The following RAB3C variants were observed in gnomAD, a reference collection of about 807,000 sequenced individuals.
The protein encoded by RAB3C is ras-related protein Rab-3C.
Under a neutral mutation model 26.4 loss-of-function variants are expected in RAB3C, and 17 were observed. The ratio of observed to expected loss-of-function variants is 0.64; its 90% confidence interval spans 0.44 to 0.97. The LOEUF (loss-of-function observed/expected upper bound fraction) is 0.97, where lower values mean the gene tolerates loss of function less well. Ranked by LOEUF, RAB3C falls within the 50% of genes least tolerant of loss-of-function variation. RAB3C has a pLI of 0.00. For synonymous variants in RAB3C, 91 were observed against 95.9 expected (o/e 0.95, Z 0.30); for missense variants, 242 against 281.9 (o/e 0.86, Z 1.01).
At chr5:58,684,409 T>A (rs1748404866) in intron 2 of RAB3C, among the ~76,000 whole-genome samples, 1 of 152,174 alleles carries the variant, frequency 6.6e-6, no homozygotes, top group African/African-American at 2.4e-5. Flanking sequence ...TCACTTCTTT[T>A]GAGGCAGCCT....
intron 2 of RAB3C, among the ~76,000 whole-genome samples, chr5:58,622,822 A>G (rs544254574): frequency 2.2e-4 from 33 of 152,334 alleles, no homozygotes; most frequent in African/African-American, 7.9e-4. Context: ...TGATTTGCCC[A>G]AGGTTATAGT....
chr5:58,723,097 G>T (rs1003603819), intron 2 of RAB3C, among the ~76,000 whole-genome samples: 12 of 151,428 alleles, frequency 7.9e-5, no homozygotes, highest in Admixed American at 4.0e-4. Context: ...TGGTCTCTCT[G>T]GTCTAATGCA....
At chr5:58,758,410 C>G (rs1741721910) in intron 3 of RAB3C, among the ~76,000 whole-genome samples, 1 of 152,088 alleles carries the variant, frequency 6.6e-6, no homozygotes, top group African/African-American at 2.4e-5. Flanking sequence ...GTGGGCAAAA[C>G]AGATGTAACC....
intron 2 of RAB3C, among the ~76,000 whole-genome samples, chr5:58,664,306 A>G (rs1747961502): frequency 6.6e-6 from 1 of 152,224 alleles, no homozygotes; most frequent in Admixed American, 6.5e-5. Flanking sequence ...GAAATGCACT[A>G]TTGATAACAC....
At chr5:58,599,651 A>C (rs2591918) in intron 1 of RAB3C, among the ~76,000 whole-genome samples, 18,807 of 152,050 alleles carry the variant, frequency 0.12, 1,516 homozygotes, top group South Asian at 0.23. Flanking sequence ...ACTAGTAGGA[A>C]CAGTTTTCAC....
chr5:58,743,195 C>A (rs142006136), intron 3 of RAB3C, among the ~76,000 whole-genome samples: 1 of 152,038 alleles, frequency 6.6e-6, no homozygotes, highest in Non-Finnish European at 1.5e-5. Flanking sequence ...TACAAGGTGG[C>A]CATGAGGAAA....
At chr5:58,726,209 T>C (rs1032814541) in intron 3 of RAB3C, 89 bp downstream of exon 3, 1 of 640,056 alleles carries the variant, frequency 1.6e-6, no homozygotes, top group South Asian at 2.4e-5. Flanking sequence ...CATACCGCAA[T>C]GTAATATATG....
rs1183234579 is a variant in RAB3C, at chr5:58,853,800, G to A, written c.*2449G>A. 6.6e-6 allele frequency: 1 copy of A among 152,090 alleles called. No homozygotes were observed. Among genetic ancestry groups the A allele is most frequent in the African/African-American group, 2.4e-5 (1 of 41,402 alleles). 9.4% of individuals were successfully genotyped at this position (152,090 alleles called of 1,614,324 possible). A position where few individuals can be genotyped will look rare whatever the true frequency, so the allele number is the denominator to read the frequency against. ...CAGTTCTGAAACTCCCACCCTGTTA[G>A]GATTTCCATTCCAAATAATTCAATG... On this transcript the variant is annotated 3_prime_UTR_variant, in exon 5 of 5. Coordinates refer to ENST00000282878, the MANE Select transcript of RAB3C (RefSeq NM_138453.4).
chr5:58,582,918 C>G (rs985988548), upstream of RAB3C: 1 of 607,092 alleles, frequency 1.6e-6, no homozygotes, highest in African/African-American at 1.9e-5. Context: ...GCCCGACTGG[C>G]GGATCGAGCC....
chr5:58,797,368 A>ATTATATATATATATAT (rs1464292932), intron 3 of RAB3C, among the ~76,000 whole-genome samples: 1 of 22,810 alleles, frequency 4.4e-5, no homozygotes, highest in African/African-American at 1.5e-4. Flanking sequence ...GTATATATAT[A>ATTATATATATATATAT]ATATATATAT....
intron 1 of RAB3C, among the ~76,000 whole-genome samples, chr5:58,585,477 G>C (rs1745992018): frequency 6.6e-6 from 1 of 151,678 alleles, no homozygotes; most frequent in African/African-American, 2.4e-5. Flanking sequence ...TGTAGAAGAT[G>C]ACTCACAAGC....
At chr5:58,793,143 G>A (rs1458315798) in intron 3 of RAB3C, among the ~76,000 whole-genome samples, 1 of 152,144 alleles carries the variant, frequency 6.6e-6, no homozygotes, top group Non-Finnish European at 1.5e-5. Flanking sequence ...GGGACACACA[G>A]CCTCAAACCT....
intron 1 of RAB3C, among the ~76,000 whole-genome samples, chr5:58,601,501 A>G (rs928245527): frequency 6.6e-6 from 1 of 151,970 alleles, no homozygotes; most frequent in Admixed American, 6.6e-5. Context: ...GTAATTTTTT[A>G]ATTACCATTT....
At chr5:58,625,721 G>C (rs1747037807) in intron 2 of RAB3C, among the ~76,000 whole-genome samples, 1 of 152,050 alleles carries the variant, frequency 6.6e-6, no homozygotes, top group African/African-American at 2.4e-5. Context: ...GCCGGGTGTT[G>C]TGGTGCACGC....
At chr5:58,666,155 G>A (rs1282982286) in intron 2 of RAB3C, among the ~76,000 whole-genome samples, 1 of 152,164 alleles carries the variant, frequency 6.6e-6, no homozygotes, top group East Asian at 1.9e-4. Flanking sequence ...ATAGTAGACA[G>A]CTATAATTAT....
intron 1 of RAB3C, among the ~76,000 whole-genome samples, chr5:58,612,233 A>G (rs1486101241): frequency 5.9e-4 from 89 of 151,970 alleles, no homozygotes; most frequent in Non-Finnish European, 5.9e-5. Context: ...TTGGTTCAAT[A>G]TGAATTTTAA....
intron 3 of RAB3C, among the ~76,000 whole-genome samples, chr5:58,763,361 G>A (rs1741835514): frequency 6.6e-6 from 1 of 152,170 alleles, no homozygotes; most frequent in Non-Finnish European, 1.5e-5. Context: ...AAACCAAGGA[G>A]TGGTATTACA....
At chr5:58,597,749 T>G (rs373425949) in intron 1 of RAB3C, among the ~76,000 whole-genome samples, 2 of 124,794 alleles carry the variant, frequency 1.6e-5, no homozygotes, top group East Asian at 2.1e-4. Flanking sequence ...ATATAATACA[T>G]TATATATAAG....
At chr5:58,582,984 C>T, upstream of RAB3C, 12 of 1,278,416 alleles carry the variant, frequency 9.4e-6, no homozygotes, top group Middle Eastern at 2.8e-4. Context: ...GCCCGTTTGC[C>T]GGGAACACCC....
Sources: gnomAD v4.1 joint callset for allele counts (sites outside exome capture counted in the v4.1 genomes callset) on GRCh38, gnomAD v4.1.1 for gene constraint, MANE v1.5 for transcripts, NCBI Gene and HGNC (gene_info 2026-07-23, HGNC 2026-07-21) for gene names.